Variants in SHISA9 observed in about 807,000 individuals in gnomAD.
SHISA9 encodes the protein shisa family member 9.
A neutral mutation model predicts 38.0 loss-of-function variants in SHISA9; 13 were observed. The observed-to-expected ratio is 0.34, with a 90% CI of 0.22 to 0.54. The LOEUF (loss-of-function observed/expected upper bound fraction) is 0.54. Ranked by LOEUF, SHISA9 falls within the 20% of genes least tolerant of loss-of-function variation. The probability of loss-of-function intolerance (pLI) is 0.91; values close to 1 mark genes in which losing one functional copy is unlikely to be tolerated. For missense variants in SHISA9, 538 were observed against 575.8 expected (o/e 0.93, Z 0.67); for synonymous variants, 275 against 242.0 (o/e 1.14, Z -1.27).
chr16:13,323,215 C>T, the SHISA9 span, among the ~76,000 whole-genome samples: 1 of 152,130 alleles, frequency 6.6e-6, no homozygotes. Context: ...TGCTGGTGCT[C>T]CTTATAATTA....
intron 2 of SHISA9, among the ~76,000 whole-genome samples, chr16:12,940,167 A>C (rs2071590521): frequency 6.6e-6 from 1 of 152,162 alleles, no homozygotes; most frequent in Admixed American, 6.5e-5. Flanking sequence ...TGGTTCCATC[A>C]TGGTCACTTT....
the SHISA9 span, among the ~76,000 whole-genome samples, chr16:13,263,815 T>C: frequency 6.6e-6 from 1 of 152,200 alleles, no homozygotes; most frequent in Non-Finnish European, 1.5e-5. Context: ...AGCTGAATGA[T>C]AGGTACATGA....
intron 2 of SHISA9, among the ~76,000 whole-genome samples, chr16:13,093,910 TG>T (rs1383502419): frequency 6.6e-6 from 1 of 152,064 alleles, no homozygotes; most frequent in Non-Finnish European, 1.5e-5. Flanking sequence ...TTTAAATAGG[TG>T]TGGCTCATCC....
chr16:13,019,056 G>A (rs541461895), intron 2 of SHISA9, among the ~76,000 whole-genome samples: 15 of 152,028 alleles, frequency 9.9e-5, no homozygotes, highest in Admixed American at 8.5e-4. Context: ...CTGTAGTGCC[G>A]TGGCACGATC....
the SHISA9 span, among the ~76,000 whole-genome samples, chr16:13,382,967 G>T: frequency 1.3e-5 from 2 of 152,284 alleles, no homozygotes; most frequent in East Asian, 3.9e-4. Context: ...ATACCTCCAT[G>T]TAACTTCTTC....
intron 2 of SHISA9, among the ~76,000 whole-genome samples, chr16:13,167,087 T>G (rs916685209): frequency 1.3e-5 from 2 of 150,052 alleles, no homozygotes; most frequent in African/African-American, 4.9e-5. Context: ...TTTTTTTTTT[T>G]TTGAGACAGA....
chr16:13,079,091 T>A (rs1471045758), intron 2 of SHISA9, among the ~76,000 whole-genome samples: 3 of 152,182 alleles, frequency 2.0e-5, no homozygotes, highest in East Asian at 1.9e-4. Context: ...AATAGAACTT[T>A]CCTCAGATAA....
the SHISA9 span, among the ~76,000 whole-genome samples, chr16:13,451,755 G>C: frequency 6.6e-6 from 1 of 152,226 alleles, no homozygotes; most frequent in Non-Finnish European, 1.5e-5. Context: ...TAGAGACATA[G>C]GCATGTGACA....
intron 2 of SHISA9, among the ~76,000 whole-genome samples, chr16:13,200,572 G>A (rs2050997282): frequency 6.6e-6 from 1 of 152,144 alleles, no homozygotes; most frequent in African/African-American, 2.4e-5. Context: ...ACCCTGGTGG[G>A]TTGGCTTTGG....
the SHISA9 span, among the ~76,000 whole-genome samples, chr16:13,502,069 G>T: frequency 6.6e-6 from 1 of 151,948 alleles, no homozygotes; most frequent in Non-Finnish European, 1.5e-5. Flanking sequence ...AGGATGGAAG[G>T]ATGGATATAT....
chr16:12,979,044 C>T (rs952334334), intron 2 of SHISA9, among the ~76,000 whole-genome samples: 1 of 152,194 alleles, frequency 6.6e-6, no homozygotes, highest in East Asian at 1.9e-4. Context: ...CATCTCTCCT[C>T]CCAATCTCCA....
At chr16:13,292,535 C>T in the SHISA9 span, among the ~76,000 whole-genome samples, 1 of 152,002 alleles carries the variant, frequency 6.6e-6, no homozygotes, top group Non-Finnish European at 1.5e-5. Context: ...CTTAAATATC[C>T]AGTGTGTACT....
At chr16:12,904,840 A>G (rs897652251) in intron 1 of SHISA9, among the ~76,000 whole-genome samples, 11 of 152,164 alleles carry the variant, frequency 7.2e-5, no homozygotes, top group South Asian at 2.1e-4. Context: ...CTTAGATCCA[A>G]ATCTCTAGGG....
At chr16:13,480,725 T>C in the SHISA9 span, among the ~76,000 whole-genome samples, 4 of 151,820 alleles carry the variant, frequency 2.6e-5, 1 homozygote, top group East Asian at 5.8e-4. Context: ...CAGCCAGAGA[T>C]AAGGGGCTGA....
chr16:13,006,825 G>A (rs2072603968), intron 2 of SHISA9, among the ~76,000 whole-genome samples: 1 of 152,148 alleles, frequency 6.6e-6, no homozygotes, highest in Non-Finnish European at 1.5e-5. Flanking sequence ...GATCACTGAA[G>A]CTCATCCCCC....
the SHISA9 span, among the ~76,000 whole-genome samples, chr16:13,292,759 CCT>C: frequency 6.6e-6 from 1 of 151,946 alleles, no homozygotes; most frequent in Non-Finnish European, 1.5e-5. Context: ...TATATTGTAC[CCT>C]GAGAGGTTAT....
At chr16:13,428,779 T>TTG in the SHISA9 span, among the ~76,000 whole-genome samples, 18 of 150,576 alleles carry the variant, frequency 1.2e-4, 1 homozygote, top group Non-Finnish European at 2.2e-4. Context: ...TATTGTTTTT[T>TTG]TTTTTTTGAG....
chr16:12,921,090 T>A (rs2071322139), intron 2 of SHISA9, among the ~76,000 whole-genome samples: 1 of 152,260 alleles, frequency 6.6e-6, no homozygotes. Flanking sequence ...ACTGTGCTCT[T>A]GTATATGTTC....
intron 2 of SHISA9, among the ~76,000 whole-genome samples, chr16:13,108,392 G>T (rs1047598929): frequency 6.6e-6 from 1 of 152,126 alleles, no homozygotes; most frequent in African/African-American, 2.4e-5. Context: ...GGCTTCCTGA[G>T]TCGCTGGGAC....
Sources: allele counts gnomAD v4.1 joint callset (sites outside exome capture counted in the v4.1 genomes callset), GRCh38; gene constraint gnomAD v4.1.1; transcripts MANE v1.5; gene names NCBI Gene and HGNC (gene_info 2026-07-23, HGNC 2026-07-21).